GOLM1: variants seen among roughly 807,000 people sequenced by gnomAD.
The protein encoded by GOLM1 is epididymis luminal protein 46.
A neutral mutation model predicts 50.5 loss-of-function variants in GOLM1; 31 were observed. The ratio of observed to expected loss-of-function variants is 0.61; its 90% confidence interval spans 0.46 to 0.83. The LOEUF is 0.83. GOLM1 is among the 40% of genes least tolerant of loss of function. GOLM1 has a pLI of 0.00. For missense variants in GOLM1, 491 were observed against 501.3 expected (o/e 0.98, Z 0.20); for synonymous variants, 178 against 192.8 (o/e 0.92, Z 0.64).
At chr9:86,029,279 A>C (rs1832894707) in intron 9 of GOLM1, among the ~76,000 whole-genome samples, 1 of 152,186 alleles carries the variant, frequency 6.6e-6, no homozygotes, top group Admixed American at 6.5e-5. Context: ...TATGCCATAG[A>C]AAATGGACAG....
At chr9:86,095,393 T>G (rs1457082574) in intron 1 of GOLM1, among the ~76,000 whole-genome samples, 1 of 148,108 alleles carries the variant, frequency 6.8e-6, no homozygotes, top group East Asian at 2.2e-4. Context: ...CACGCCCAGC[T>G]AATTTTTGTA....
chr9:86,086,939 T>C (rs1053659075), intron 1 of GOLM1, among the ~76,000 whole-genome samples: 1 of 152,220 alleles, frequency 6.6e-6, no homozygotes, highest in Non-Finnish European at 1.5e-5. Context: ...ATATGAGCTC[T>C]TTTTTGGTTC....
intron 5 of GOLM1, among the ~76,000 whole-genome samples, chr9:86,045,660 G>A (rs889431706): frequency 3.2e-4 from 47 of 146,830 alleles, no homozygotes; most frequent in African/African-American, 1.1e-3. Flanking sequence ...GGGGGACAGC[G>A]AGACTCCGCT....
At chr9:86,099,870 C>G (rs1234838213), upstream of GOLM1, among the ~76,000 whole-genome samples, 1 of 152,182 alleles carries the variant, frequency 6.6e-6, no homozygotes, top group Non-Finnish European at 1.5e-5. Context: ...CTGGGGGGAG[C>G]CCCCATCCCA....
At chr9:86,057,164 T>A (rs1259420951) in intron 3 of GOLM1, among the ~76,000 whole-genome samples, 1 of 152,148 alleles carries the variant, frequency 6.6e-6, no homozygotes, top group Non-Finnish European at 1.5e-5. Flanking sequence ...AGAATCTGGG[T>A]GAATTACCCA....
intron 1 of GOLM1, among the ~76,000 whole-genome samples, chr9:86,087,130 A>G (rs1291061366): frequency 6.6e-6 from 1 of 152,128 alleles, no homozygotes; most frequent in Non-Finnish European, 1.5e-5. Context: ...TACTTCCTTG[A>G]ACAGTGGTTT....
intron 3 of GOLM1, among the ~76,000 whole-genome samples, chr9:86,056,739 C>T (rs544334499): frequency 4.6e-5 from 7 of 152,042 alleles, no homozygotes; most frequent in South Asian, 2.1e-4. Flanking sequence ...CTCCTGACCT[C>T]GTGATCTGCT....
chr9:86,033,185 A>G (rs563813408), intron 9 of GOLM1, 97 bp downstream of exon 9: 8 of 712,914 alleles, frequency 1.1e-5, no homozygotes, highest in East Asian at 1.0e-4. Context: ...CCCATTAATT[A>G]CAATATAATT....
chr9:86,098,805 G>A (rs1322870142), intron 1 of GOLM1, among the ~76,000 whole-genome samples: 2 of 152,360 alleles, frequency 1.3e-5, no homozygotes, highest in African/African-American at 2.4e-5. Flanking sequence ...AAAACCCCGA[G>A]CATCCACGAG....
intron 1 of GOLM1, among the ~76,000 whole-genome samples, chr9:86,087,022 A>C (rs1051029715): frequency 6.6e-6 from 1 of 152,188 alleles, no homozygotes; most frequent in African/African-American, 2.4e-5. Flanking sequence ...GATAGCATTG[A>C]ATCTATAAAT....
In GOLM1 at chr9:86,026,241, C is replaced by T. The variant is rs1424875574; in HGVS notation, c.*1576G>A. On this transcript the variant is annotated 3_prime_UTR_variant, in exon 10 of 10. Coordinates refer to ENST00000388712, the MANE Select transcript of GOLM1 (RefSeq NM_016548.4). ...TTTATTGAGAAAGCAAGAGAAAATT[C>T]CTATCAACCCCAAGGAGGACTCAAA... is the stretch of plus-strand genomic sequence containing the variant. 8 of 983,820 alleles carry T rather than the reference C, an allele frequency of 8.1e-6. No individual in the cohort carries two copies. The highest frequency in any genetic ancestry group is 3.5e-5 in the African/African-American group (2 of 56,722). The allele number at this position is 983,820 out of a possible 1,614,324, so 60.9% of individuals were successfully genotyped here.
At chr9:86,048,412 T>C (rs1026455318) in intron 4 of GOLM1, among the ~76,000 whole-genome samples, 2 of 152,144 alleles carry the variant, frequency 1.3e-5, no homozygotes, top group African/African-American at 2.4e-5. Flanking sequence ...CTGGGTCAAA[T>C]GGTATTTCTA....
At chr9:86,054,663 A>AGT (rs1833934403) in intron 3 of GOLM1, among the ~76,000 whole-genome samples, 3 of 152,232 alleles carry the variant, frequency 2.0e-5, no homozygotes, top group Admixed American at 2.0e-4. Flanking sequence ...AGCTCCAACA[A>AGT]GTGTGCTCCA....
At chr9:86,088,805 T>C (rs1835078771) in intron 1 of GOLM1, among the ~76,000 whole-genome samples, 1 of 152,064 alleles carries the variant, frequency 6.6e-6, no homozygotes, top group South Asian at 2.1e-4. Context: ...CCTGTCATTA[T>C]GATGTTAACT....
chr9:86,030,582 A>T (rs575343918), intron 9 of GOLM1, among the ~76,000 whole-genome samples: 28 of 152,304 alleles, frequency 1.8e-4, no homozygotes, highest in African/African-American at 6.5e-4. Context: ...AAGACCAACA[A>T]CATAAATGAT....
intron 1 of GOLM1, among the ~76,000 whole-genome samples, chr9:86,096,388 C>G (rs1835356621): frequency 1.3e-5 from 2 of 152,180 alleles, no homozygotes; most frequent in Non-Finnish European, 2.9e-5. Flanking sequence ...AAAATAGTAT[C>G]TGGTCCTTTT....
chr9:86,064,544 C>G lies in GOLM1; in HGVS notation c.310-11953G>C, dbSNP rs533497256. ...CTCACTGTGCTGCCTCCTCTCTGCC[C>G]TGCTCCCCACCCAGCCCTCTCCCCA... On this transcript the variant is annotated intron_variant, in intron 3 of 9. Transcript: ENST00000388712. Among the ~76,000 whole-genome samples, 44 of 152,336 alleles carry G rather than the reference C, an allele frequency of 2.9e-4. 1 individual carries two copies. In the South Asian group the frequency reaches 8.7e-3, roughly 30 times the overall value.
At chr9:86,029,376 C>T (rs981658239) in intron 9 of GOLM1, among the ~76,000 whole-genome samples, 28 of 152,164 alleles carry the variant, frequency 1.8e-4, no homozygotes, top group Admixed American at 1.6e-3. Context: ...TAATGGCACA[C>T]GCTGCCTCCT....
intron 3 of GOLM1, among the ~76,000 whole-genome samples, chr9:86,068,487 C>T (rs1834367105): frequency 6.6e-6 from 1 of 152,182 alleles, no homozygotes; most frequent in Non-Finnish European, 1.5e-5. Context: ...GCCACACTGC[C>T]ACGTGGAAAA....
Sources: allele counts gnomAD v4.1 joint callset (sites outside exome capture counted in the v4.1 genomes callset), GRCh38; gene constraint gnomAD v4.1.1; transcripts MANE v1.5; gene names NCBI Gene and HGNC (gene_info 2026-07-23, HGNC 2026-07-21).